The following MLLT3 variants were observed in gnomAD, a reference collection of about 807,000 sequenced individuals.
MLLT3 encodes the protein MLLT3 super elongation complex subunit, also known as protein AF-9.
Under a neutral mutation model 53.2 loss-of-function variants are expected in MLLT3, and 4 were observed. That is an observed-to-expected ratio of 0.08 (90% CI 0.04 to 0.17). The LOEUF is 0.17. Among genes scored for constraint, MLLT3 ranks in the 10% least tolerant of loss-of-function variants. The pLI, the probability that MLLT3 is intolerant of heterozygous loss-of-function variation, is 1.00. For synonymous variants in MLLT3, 283 were observed against 230.6 expected, an observed-to-expected ratio of 1.23 and a Z score of -2.06; for missense variants, 569 against 684.0, an observed-to-expected ratio of 0.83 and a Z score of 1.87.
chr9:20,611,771 T>G (rs1820709241), intron 2 of MLLT3, among the ~76,000 whole-genome samples: 2 of 152,130 alleles, frequency 1.3e-5, no homozygotes, highest in South Asian at 4.1e-4. Context: ...AATAGCCTTC[T>G]TCAGTCGTCA....
rs1663371470 is a variant in MLLT3, at chr9:20,370,199, T to C, written c.1126-4455A>G. Among the ~76,000 whole-genome samples the C allele has an allele frequency of 2.0e-5, 3 of 152,246 alleles. No homozygotes were observed. In the South Asian group the frequency reaches 6.2e-4, roughly 31 times the overall value. On this transcript the variant is annotated intron_variant, in intron 5 of 10. Coordinates refer to ENST00000380338, the MANE Select transcript of MLLT3 (RefSeq NM_004529.4). ...CAACAATTTGTGTTCACTTCATGTC[T>C]CTGCATCACATATTGGAAATCCTTG...
intron 2 of MLLT3, among the ~76,000 whole-genome samples, chr9:20,535,282 A>C (rs894089779): frequency 6.6e-6 from 1 of 152,180 alleles, no homozygotes; most frequent in Non-Finnish European, 1.5e-5. Flanking sequence ...TGATGATTTG[A>C]GGTGGAACAG....
At position 20,342,643 on chromosome 9, in the gene MLLT3, G is replaced by A. The variant is rs1432270625; in HGVS notation, c.*3800C>T. On this transcript the variant is annotated 3_prime_UTR_variant, in exon 11 of 11. Coordinates refer to ENST00000380338, the MANE Select transcript of MLLT3 (RefSeq NM_004529.4). ...ATCTTTACAAGGAATATTCAGGGAT[G>A]GCAGTGCCTACATAATAAAAAGCAT... 4.7e-6 allele frequency: 1 copy of A among 215,020 alleles called. No homozygotes were observed. The highest frequency in any genetic ancestry group is 9.3e-6 in the Non-Finnish European group (1 of 106,968). The allele number at this position is 215,020 out of a possible 1,614,324, so 13.3% of individuals were successfully genotyped here.
At chr9:20,410,294 T>C (rs1406326312) in intron 5 of MLLT3, among the ~76,000 whole-genome samples, 1 of 152,200 alleles carries the variant, frequency 6.6e-6, no homozygotes, top group African/African-American at 2.4e-5. Context: ...CTACAGGTTA[T>C]ATAGGTACCC....
chr9:20,371,446 C>T (rs1821599226), intron 5 of MLLT3, among the ~76,000 whole-genome samples: 1 of 152,202 alleles, frequency 6.6e-6, no homozygotes. Flanking sequence ...GCTAATGCAA[C>T]TGGTGAATTT....
chr9:20,622,213 G>C (rs754109433), intron 1 of MLLT3, 32 bp downstream of exon 1: 1 of 1,593,226 alleles, frequency 6.3e-7, no homozygotes, highest in African/African-American at 1.4e-5. Context: ...AAGTGGGGGA[G>C]GGCTTTTATT....
intron 10 of MLLT3, among the ~76,000 whole-genome samples, chr9:20,351,530 AT>A (rs572445763): frequency 3.2e-4 from 48 of 152,210 alleles, no homozygotes; most frequent in Non-Finnish European, 6.0e-4. Context: ...AGGCTCCTTG[AT>A]CCAATGCTGT....
At chr9:20,498,101 T>C (rs1034084515) in intron 2 of MLLT3, among the ~76,000 whole-genome samples, 1 of 151,770 alleles carries the variant, frequency 6.6e-6, no homozygotes, top group Non-Finnish European at 1.5e-5. Context: ...CATGCACCTG[T>C]AGTCCCAGCA....
intron 5 of MLLT3, among the ~76,000 whole-genome samples, chr9:20,381,241 T>C (rs1821901559): frequency 6.6e-6 from 1 of 151,974 alleles, no homozygotes; most frequent in South Asian, 2.1e-4. Flanking sequence ...TTAGCATTCA[T>C]ATACAACATT....
intron 5 of MLLT3, among the ~76,000 whole-genome samples, chr9:20,393,472 C>T (rs186079246): frequency 5.3e-5 from 8 of 152,266 alleles, no homozygotes; most frequent in African/African-American, 9.6e-5. Flanking sequence ...TCACTTAGAA[C>T]GCTATCTTTA....
At chr9:20,495,329 G>C (rs1434973580) in intron 2 of MLLT3, among the ~76,000 whole-genome samples, 1 of 152,126 alleles carries the variant, frequency 6.6e-6, no homozygotes, top group East Asian at 1.9e-4. Context: ...GCGACCTACT[G>C]AATCACAATT....
At chr9:20,445,659 G>T (rs1823675702) in intron 4 of MLLT3, among the ~76,000 whole-genome samples, 1 of 152,070 alleles carries the variant, frequency 6.6e-6, no homozygotes, top group African/African-American at 2.4e-5. Flanking sequence ...TAGTTTAAAA[G>T]AAAATAATAA....
intron 2 of MLLT3, among the ~76,000 whole-genome samples, chr9:20,579,569 T>C (rs1391863586): frequency 1.3e-5 from 2 of 152,044 alleles, no homozygotes; most frequent in African/African-American, 4.8e-5. Context: ...TTCTGACGCA[T>C]GAATAAAAAA....
intron 2 of MLLT3, among the ~76,000 whole-genome samples, chr9:20,610,475 G>A (rs1365578121): frequency 2.6e-5 from 4 of 152,104 alleles, no homozygotes; most frequent in East Asian, 1.9e-4. Flanking sequence ...ATTATTAGAG[G>A]TGCAGAAGAA....
chr9:20,444,511 A>G (rs1186196556), intron 4 of MLLT3, among the ~76,000 whole-genome samples: 2 of 152,078 alleles, frequency 1.3e-5, no homozygotes, highest in African/African-American at 4.8e-5. Flanking sequence ...ATGAATAATA[A>G]TTTTTAAAGT....
chr9:20,573,232 T>C (rs1819577351), intron 2 of MLLT3, among the ~76,000 whole-genome samples: 1 of 150,248 alleles, frequency 6.7e-6, no homozygotes, highest in Non-Finnish European at 1.5e-5. Context: ...CCAGGCTGAG[T>C]GTAGTGGCGA....
chr9:20,397,479 A>C (rs1001955442), intron 5 of MLLT3, among the ~76,000 whole-genome samples: 1 of 152,154 alleles, frequency 6.6e-6, no homozygotes, highest in Non-Finnish European at 1.5e-5. Flanking sequence ...GTGCAGGCTC[A>C]TTACTTGAGC....
At chr9:20,374,305 G>A (rs772852885) in intron 5 of MLLT3, among the ~76,000 whole-genome samples, 79 of 152,166 alleles carry the variant, frequency 5.2e-4, no homozygotes, top group Non-Finnish European at 1.0e-3. Flanking sequence ...GATCCCCTGA[G>A]CCCAGGAGTT....
chr9:20,411,194 A>G lies in MLLT3; in HGVS notation c.1125+2527T>C, dbSNP rs150085853. The stretch of plus-strand genomic sequence containing the variant: ...ACGGAGAGCACTAGCAGTCCATAGC[A>G]GTCCATAGCTTAGTGTTCTCCATTA... On this transcript the variant is annotated intron_variant, in intron 5 of 10. Transcript: ENST00000380338. The G allele has an allele frequency of 3.9e-5, 6 of 152,666 alleles. No homozygotes were observed. In the East Asian group the frequency reaches 1.2e-3, roughly 30 times the overall value. 9.5% of individuals were successfully genotyped at this position (152,666 alleles called of 1,614,324 possible).
Sources: gnomAD v4.1 joint callset for allele counts (sites outside exome capture counted in the v4.1 genomes callset) on GRCh38, gnomAD v4.1.1 for gene constraint, MANE v1.5 for transcripts, NCBI Gene and HGNC (gene_info 2026-07-23, HGNC 2026-07-21) for gene names.